Variants in AFDN observed in about 807,000 individuals in gnomAD.
AFDN encodes the protein afadin, adherens junction formation factor.
AFDN carries 68 observed loss-of-function variants against 216.6 expected under a neutral mutation model. The observed-to-expected ratio is 0.31, with a 90% CI of 0.26 to 0.38. The LOEUF is 0.38. Among genes scored for constraint, AFDN ranks in the 10% least tolerant of loss-of-function variants. The pLI, the probability that AFDN is intolerant of heterozygous loss-of-function variation, is 1.00. For missense variants in AFDN, 2,136 were observed against 2,342.0 expected (o/e 0.91, Z 1.82); for synonymous variants, 868 against 853.7 (o/e 1.02, Z -0.29).
intron 6 of AFDN, among the ~76,000 whole-genome samples, chr6:167,883,629 A>G (rs1386849675): frequency 6.6e-6 from 1 of 152,242 alleles, no homozygotes; most frequent in Non-Finnish European, 1.5e-5. Context: ...TGCTTTTAGT[A>G]AAGTGTGCAG....
chr6:167,944,449 T>C (rs1244649927), intron 26 of AFDN, among the ~76,000 whole-genome samples: 1 of 151,154 alleles, frequency 6.6e-6, no homozygotes, highest in Non-Finnish European at 1.5e-5. Context: ...AGACTCAGGA[T>C]TTAAAGTGTT....
chr6:167,901,002 G>A (rs1788876606), intron 11 of AFDN, among the ~76,000 whole-genome samples: 1 of 152,104 alleles, frequency 6.6e-6, no homozygotes, highest in Non-Finnish European at 1.5e-5. Flanking sequence ...TTTAAAGCAT[G>A]GTATTATTTT....
Position 167,898,261 on chromosome 6 carries a change from G to T in AFDN, c.1374G>T (p.Val458=), listed in dbSNP as rs549612056. The change falls in exon 11 of 34, where the codon GTG becomes GTT. Residue 458 remains valine, a synonymous_variant. Coordinates refer to ENST00000683244, the MANE Select transcript of AFDN (RefSeq NM_001386888.1). ...HHCDLTNMDG[V]VTVTPRSMDA... ...GTGACCTTACCAACATGGATGGAGT[G>T]GTCACTGTGACGCCCAGAAGTATGG... The T allele has an allele frequency of 1.9e-6, 3 of 1,613,980 alleles. No individual in the cohort carries two copies. In the Admixed American group the frequency reaches 5.0e-5, roughly 27 times the overall value.
chr6:167,834,292 C>T (rs1303675864), intron 1 of AFDN, among the ~76,000 whole-genome samples: 1 of 152,014 alleles, frequency 6.6e-6, no homozygotes, highest in East Asian at 1.9e-4. Context: ...TCCATTGTGT[C>T]ATTCTTAGGC....
At chr6:167,947,818 A>G (rs753006264) in intron 27 of AFDN, 35 bp from the exon 28 acceptor site, 7 of 1,377,978 alleles carry the variant, frequency 5.1e-6, no homozygotes, top group South Asian at 1.2e-5. Context: ...TTTATTTAAT[A>G]TTACACTTTT....
In AFDN at chr6:167,891,136, C is replaced by T. The variant is rs143297455; in HGVS notation, c.1177+107C>T. On this transcript the variant is annotated intron_variant, in intron 8 of 33. Transcript: ENST00000683244. ...AGTAGTCTTCTGTTGGCTGACTTAACATTTTTAGCCATTTATTTTTTTAAA... is the reference window on the plus strand; with the variant it reads ...AGTAGTCTTCTGTTGGCTGACTTAATATTTTTAGCCATTTATTTTTTTAAA... 5.1e-4 allele frequency: 426 copies of T among 838,014 alleles called. 1 individual carries two copies. The African/African-American group carries it at 7.0e-3, about 14-fold the overall frequency. The allele number at this position is 838,014 out of a possible 1,614,324, so 51.9% of individuals were successfully genotyped here.
In AFDN at chr6:167,880,304, T is replaced by C; in HGVS notation, c.740-56T>C. On this transcript the variant is annotated intron_variant, in intron 5 of 33. Coordinates refer to ENST00000683244, the MANE Select transcript of AFDN (RefSeq NM_001386888.1). ...CTCAAGTGACTGTAAATGTTAGCTA[T>C]CTCTGTTACTGGCATAAAGTAAGTT... The C allele has an allele frequency of 2.6e-6, 4 of 1,523,970 alleles. No homozygotes were observed. The South Asian group carries it at 4.7e-5, about 18-fold the overall frequency. The allele number at this position is 1,523,970 out of a possible 1,614,324, so 94.4% of individuals were successfully genotyped here. A position where few individuals can be genotyped will look rare whatever the true frequency, so the allele number is the denominator to read the frequency against.
chr6:167,951,055 G>A lies in AFDN; in HGVS notation c.3832-131G>A. ...TACTCCACATTAGCCAATGAGCCTT[G>A]TAGGGCAGTCTCAGTCTCTTTCTGT... On this transcript the variant is annotated intron_variant, in intron 29 of 33. Transcript: ENST00000683244. The surrounding 1 kb of genome is among the most constrained non-coding windows in gnomAD (Gnocchi z 7.1). The A allele has an allele frequency of 7.5e-7, 1 of 1,338,104 alleles. No individual in the cohort carries two copies. Among genetic ancestry groups the A allele is most frequent in the Non-Finnish European group, 9.8e-7 (1 of 1,017,412 alleles). The allele number at this position is 1,338,104 out of a possible 1,614,324, so 82.9% of individuals were successfully genotyped here.
chr6:167,960,258 G>A (rs1162058136), intron 30 of AFDN, among the ~76,000 whole-genome samples: 1 of 152,214 alleles, frequency 6.6e-6, no homozygotes, highest in African/African-American at 2.4e-5. Flanking sequence ...CATTGGTGCT[G>A]GTTGATTTGC....
At chr6:167,864,879 T>A in intron 2 of AFDN, 133 bp downstream of exon 2, 2 of 945,496 alleles carry the variant, frequency 2.1e-6, no homozygotes, top group Non-Finnish European at 3.5e-6. Flanking sequence ...GGTAGGAGAG[T>A]AGCTGGCAGG....
Position 167,889,274 on chromosome 6 carries a change from T to C in AFDN, c.957T>C (p.Leu319=). The change falls in exon 7 of 34, where the codon CTT becomes CTC. Residue 319 remains leucine (L), a synonymous_variant. Transcript: ENST00000683244. ...AAAAGGGTGCTAAAGAAATTATTCT[T>C]GATGATGATGAGTGTCCTTTACAAA... ...SDEKGAKEII[L]DDDECPLQIF... is the part of the protein sequence containing the mutation. 1 of 1,613,994 alleles carries C rather than the reference T, an allele frequency of 6.2e-7. No individual in the cohort carries two copies. The highest frequency in any genetic ancestry group is 1.7e-5 in the Admixed American group (1 of 60,030).
chr6:167,870,592 CTT>C lies in AFDN; in HGVS notation c.414+99_414+100del, dbSNP rs1181003389. On this transcript the variant is annotated intron_variant, in intron 3 of 33. Transcript: ENST00000683244. ...ATGTTTTGTTACAGGAGTTCCTTCTCTTTTTTGCTTCTCTTTATAAACCCTTT... is the reference window on the plus strand; with the variant it reads ...ATGTTTTGTTACAGGAGTTCCTTCTCTTTTGCTTCTCTTTATAAACCCTTT... 10 of 663,436 alleles carry C rather than the reference CTT, an allele frequency of 1.5e-5. No individual in the cohort carries two copies. In the African/African-American group the frequency reaches 1.9e-4, roughly 12 times the overall value. 41.1% of individuals were successfully genotyped at this position (663,436 alleles called of 1,614,324 possible).
chr6:167,918,646 C>A, intron 20 of AFDN, 89 bp from the exon 21 acceptor site: 2 of 1,126,052 alleles, frequency 1.8e-6, no homozygotes, highest in Non-Finnish European at 2.6e-6. Context: ...AGCTGTGCTG[C>A]AGTGAGCAGA....
chr6:167,841,250 T>A (rs1781036217), intron 1 of AFDN, among the ~76,000 whole-genome samples: 1 of 152,146 alleles, frequency 6.6e-6, no homozygotes, highest in Non-Finnish European at 1.5e-5. Context: ...TACACCAAAT[T>A]TGAGGTACTT....
At chr6:167,958,239 T>C (rs1796710431) in intron 30 of AFDN, among the ~76,000 whole-genome samples, 1 of 152,228 alleles carries the variant, frequency 6.6e-6, no homozygotes, top group Non-Finnish European at 1.5e-5. Context: ...TTGGGTCCTG[T>C]TTCCAGGAAA....
intron 32 of AFDN, 103 bp from the exon 33 acceptor site, chr6:167,969,011 C>T (rs1259816164): frequency 1.1e-6 from 1 of 883,702 alleles, no homozygotes; most frequent in African/African-American, 1.7e-5. Context: ...CCTACTTACT[C>T]AGTAAAGGTA....
intron 23 of AFDN, among the ~76,000 whole-genome samples, chr6:167,929,066 T>C (rs2128541904): frequency 6.6e-6 from 1 of 152,326 alleles, no homozygotes; most frequent in South Asian, 2.1e-4. Context: ...AGGGGTTAGC[T>C]TCAGGGTATA....
intron 1 of AFDN, chr6:167,863,783 A>G (rs775728150): frequency 2.1e-5 from 11 of 518,728 alleles, no homozygotes; most frequent in African/African-American, 9.6e-5. Flanking sequence ...TGGAATACCA[A>G]TGTGCTTTTT....
chr6:167,872,479 A>G (rs974864232), intron 4 of AFDN, 102 bp downstream of exon 4: 2 of 1,265,638 alleles, frequency 1.6e-6, no homozygotes, highest in Non-Finnish European at 2.2e-6. Flanking sequence ...GGAAAGGATG[A>G]GTATCAGTCA....
Sources: gnomAD v4.1 joint callset for allele counts (sites outside exome capture counted in the v4.1 genomes callset) on GRCh38, gnomAD v4.1.1 for gene constraint, Gnocchi (gnomAD v3.1) non-coding constraint, MANE v1.5 for transcripts, NCBI Gene and HGNC (gene_info 2026-07-23, HGNC 2026-07-21) for gene names.